The following ATG10 variants were observed in gnomAD, a reference collection of about 807,000 sequenced individuals.
ATG10 encodes the protein autophagy related 10, also known as ubiquitin-like-conjugating enzyme ATG10.
In ATG10, 30 loss-of-function variants were observed where a neutral mutation model predicts 32.1. The ratio of observed to expected loss-of-function variants is 0.94; its 90% CI spans 0.70 to 1.27. The LOEUF is 1.27. Among genes scored for constraint, ATG10 ranks in the 50% most tolerant of loss-of-function variants. The pLI is 0.00. For missense variants in ATG10, 233 were observed against 262.3 expected (o/e 0.89, Z 0.77); for synonymous variants, 87 against 91.5 (o/e 0.95, Z 0.28).
intron 3 of ATG10, among the ~76,000 whole-genome samples, chr5:82,118,204 A>G (rs1001866973): frequency 1.3e-5 from 2 of 150,654 alleles, no homozygotes; most frequent in African/African-American, 4.9e-5. Flanking sequence ...TTGTAATTAC[A>G]TGTGTAATTA....
rs1044741811 is a variant in ATG10 at position 82,001,644 on chromosome 5, C to G, written c.108+13966C>G. 5.9e-5 allele frequency among the ~76,000 whole-genome samples: 9 copies of G among 152,134 alleles called. No individual in the cohort carries two copies. In the South Asian group the frequency reaches 8.3e-4, roughly 14 times the overall value. On this transcript the variant is annotated intron_variant, in intron 2 of 7. Transcript: ENST00000282185. ...CCTTACACCATATAAAAAATCGACTCAAGATCGATTAAAGACTTAAAAGCA... is the reference window on the plus strand; with the variant it reads ...CCTTACACCATATAAAAAATCGACTGAAGATCGATTAAAGACTTAAAAGCA...
chr5:82,215,294 A>G (rs1745633799), intron 5 of ATG10, among the ~76,000 whole-genome samples: 1 of 152,238 alleles, frequency 6.6e-6, no homozygotes, highest in South Asian at 2.1e-4. Context: ...GCAAGAGAGA[A>G]TGCCAGCAAA....
At chr5:82,057,016 A>T (rs1372022583) in intron 2 of ATG10, among the ~76,000 whole-genome samples, 2 of 152,198 alleles carry the variant, frequency 1.3e-5, no homozygotes, top group African/African-American at 4.8e-5. Context: ...CAAAATGGAT[A>T]TCCTTAATGA....
chr5:82,081,533 A>C (rs538390115), intron 3 of ATG10, among the ~76,000 whole-genome samples: 5 of 152,232 alleles, frequency 3.3e-5, no homozygotes, highest in Non-Finnish European at 7.3e-5. Context: ...AATATGTCCC[A>C]TGAATACCTA....
chr5:82,045,107 C>T (rs996066412), intron 2 of ATG10, among the ~76,000 whole-genome samples: 3 of 152,156 alleles, frequency 2.0e-5, no homozygotes, highest in Non-Finnish European at 4.4e-5. Context: ...TCTCTTCTCT[C>T]AGAGATCACT....
At chr5:82,171,762 C>G (rs1483129390) in intron 4 of ATG10, among the ~76,000 whole-genome samples, 1 of 152,170 alleles carries the variant, frequency 6.6e-6, no homozygotes, top group Non-Finnish European at 1.5e-5. Context: ...TTATTATGAT[C>G]ATTCAGCCAT....
chr5:82,096,146 A>G (rs1057119407), intron 3 of ATG10, among the ~76,000 whole-genome samples: 1 of 152,208 alleles, frequency 6.6e-6, no homozygotes, highest in African/African-American at 2.4e-5. Flanking sequence ...TTATAGTCAA[A>G]TAAAGACTCA....
intron 3 of ATG10, among the ~76,000 whole-genome samples, chr5:82,125,911 G>T (rs943302401): frequency 1.3e-5 from 2 of 152,164 alleles, no homozygotes; most frequent in Non-Finnish European, 2.9e-5. Flanking sequence ...CCATGAGCAT[G>T]GAATGTTTTT....
intron 2 of ATG10, among the ~76,000 whole-genome samples, chr5:82,033,200 A>AT (rs1762791872): frequency 6.6e-6 from 1 of 152,226 alleles, no homozygotes; most frequent in Admixed American, 6.5e-5. Flanking sequence ...AATTTAATAA[A>AT]TATCAATGCA....
rs1004482345 is a variant in ATG10 at position 82,009,670 on chromosome 5, T to C, written c.108+21992T>C. ...CCATTCCTGGACCCAAAGCACTCCA[T>C]GACCTCCACAATATTCATGCCTTCT... On this transcript the variant is annotated intron_variant, in intron 2 of 7. Coordinates refer to ENST00000282185, the MANE Select transcript of ATG10 (RefSeq NM_031482.5). 12 of 1,586,794 alleles carry C rather than the reference T, an allele frequency of 7.6e-6. No homozygotes were observed. The African/African-American group carries it at 1.6e-4, about 21-fold the overall frequency.
At chr5:82,211,519 G>T (rs1182348037) in intron 5 of ATG10, among the ~76,000 whole-genome samples, 2 of 152,050 alleles carry the variant, frequency 1.3e-5, no homozygotes, top group Non-Finnish European at 2.9e-5. Flanking sequence ...ATGGTGGAAA[G>T]GTTCCCTACA....
intron 3 of ATG10, among the ~76,000 whole-genome samples, chr5:82,093,631 C>T (rs12186760): frequency 0.24 from 35,730 of 152,028 alleles, 4,477 homozygotes; most frequent in African/African-American, 0.32. Context: ...TTTTTATCTT[C>T]ATTATAGCTC....
intron 2 of ATG10, among the ~76,000 whole-genome samples, chr5:82,035,831 T>C (rs937045402): frequency 6.7e-6 from 1 of 150,084 alleles, no homozygotes; most frequent in African/African-American, 2.4e-5. Context: ...TTCTTCATTT[T>C]CTATAGGTAT....
At chr5:82,207,416 G>T (rs1285886178) in intron 5 of ATG10, among the ~76,000 whole-genome samples, 1 of 152,046 alleles carries the variant, frequency 6.6e-6, no homozygotes, top group African/African-American at 2.4e-5. Flanking sequence ...GATTAATGAG[G>T]TTCATCTACT....
At chr5:82,035,525 C>G (rs936995614) in intron 2 of ATG10, among the ~76,000 whole-genome samples, 1 of 151,948 alleles carries the variant, frequency 6.6e-6, no homozygotes, top group African/African-American at 2.4e-5. Flanking sequence ...CTCATATGCT[C>G]TATAAAATTG....
intron 5 of ATG10, among the ~76,000 whole-genome samples, chr5:82,179,535 G>A (rs919889734): frequency 1.3e-5 from 2 of 152,074 alleles, no homozygotes; most frequent in Admixed American, 6.6e-5. Context: ...ATCTGCAAAA[G>A]TAGATATAAA....
intron 3 of ATG10, among the ~76,000 whole-genome samples, chr5:82,117,705 A>G (rs1765864840): frequency 6.6e-6 from 1 of 152,150 alleles, no homozygotes; most frequent in South Asian, 2.1e-4. Context: ...TCTTCAAGCC[A>G]ATTTTATTTT....
At chr5:82,130,808 C>G (rs967097779) in intron 3 of ATG10, among the ~76,000 whole-genome samples, 1 of 152,046 alleles carries the variant, frequency 6.6e-6, no homozygotes, top group Non-Finnish European at 1.5e-5. Context: ...TGCCAGCCAC[C>G]CAAAATATCT....
chr5:82,200,717 C>G, intron 5 of ATG10, among the ~76,000 whole-genome samples: 1 of 150,844 alleles, frequency 6.6e-6, no homozygotes, highest in Non-Finnish European at 1.5e-5. Flanking sequence ...TTTGACAGTT[C>G]TTTACGTATT....
Sources: allele counts gnomAD v4.1 joint callset (sites outside exome capture counted in the v4.1 genomes callset), GRCh38; gene constraint gnomAD v4.1.1; transcripts MANE v1.5; gene names NCBI Gene and HGNC (gene_info 2026-07-23, HGNC 2026-07-21).